Variants in BMAL2 observed in about 807,000 individuals in gnomAD.
BMAL2 encodes the protein basic helix-loop-helix ARNT like 2, also known as basic helix-loop-helix ARNT-like protein 2.
the BMAL2 span, among the ~76,000 whole-genome samples, chr12:27,391,642 T>C: frequency 6.6e-6 from 1 of 152,248 alleles, no homozygotes; most frequent in Admixed American, 6.5e-5. Context: ...CTGAACTAAT[T>C]TACATTCCCA....
the BMAL2 span, among the ~76,000 whole-genome samples, chr12:27,392,497 A>T: frequency 7.1e-6 from 1 of 140,414 alleles, no homozygotes; most frequent in Non-Finnish European, 1.6e-5. Context: ...ATGATGTGAA[A>T]ATAGTCTCCA....
chr12:27,336,809 C>T, the BMAL2 span, among the ~76,000 whole-genome samples: 4 of 151,734 alleles, frequency 2.6e-5, no homozygotes, highest in South Asian at 2.1e-4. Context: ...AAAATTAGTC[C>T]GGCGTTGGTG....
chr12:27,366,370 T>C, the BMAL2 span, among the ~76,000 whole-genome samples: 1 of 152,208 alleles, frequency 6.6e-6, no homozygotes, highest in African/African-American at 2.4e-5. Context: ...TTATTTTTAC[T>C]ACTTGATCTA....
the BMAL2 span, among the ~76,000 whole-genome samples, chr12:27,337,854 C>T: frequency 2.0e-5 from 3 of 152,174 alleles, no homozygotes; most frequent in African/African-American, 7.2e-5. Context: ...TGAACTCTGA[C>T]CTTCAACAAA....
At chr12:27,384,989 G>T in the BMAL2 span, among the ~76,000 whole-genome samples, 2 of 152,232 alleles carry the variant, frequency 1.3e-5, no homozygotes, top group Admixed American at 1.3e-4. Context: ...CAATCTAAAA[G>T]AAAGAAATTT....
the BMAL2 span, chr12:27,401,753 C>A: frequency 2.4e-4 from 250 of 1,057,498 alleles, 3 homozygotes; most frequent in Non-Finnish European, 6.2e-5. Flanking sequence ...TCTTGCTAAA[C>A]CATTAAAACT....
chr12:27,340,462 A>G, the BMAL2 span, among the ~76,000 whole-genome samples: 28 of 152,098 alleles, frequency 1.8e-4, no homozygotes, highest in African/African-American at 6.5e-4. Flanking sequence ...CCAATAGTCT[A>G]TATGTCTGTT....
chr12:27,379,964 A>G, the BMAL2 span, among the ~76,000 whole-genome samples: 1 of 152,290 alleles, frequency 6.6e-6, no homozygotes, highest in Admixed American at 6.5e-5. Context: ...CTAATATTGG[A>G]AACAGGTGGA....
the BMAL2 span, among the ~76,000 whole-genome samples, chr12:27,378,398 T>A: frequency 6.6e-6 from 1 of 152,216 alleles, no homozygotes; most frequent in African/African-American, 2.4e-5. Context: ...CCCAGAAGAA[T>A]AACTGAGTTG....
the BMAL2 span, among the ~76,000 whole-genome samples, chr12:27,385,092 T>C: frequency 6.6e-6 from 1 of 152,152 alleles, no homozygotes; most frequent in African/African-American, 2.4e-5. Flanking sequence ...GGTGAGTGGA[T>C]TGCTTGAGGC....
At chr12:27,375,818 A>G in the BMAL2 span, among the ~76,000 whole-genome samples, 1 of 152,222 alleles carries the variant, frequency 6.6e-6, no homozygotes, top group African/African-American at 2.4e-5. Flanking sequence ...GATGCTAGGA[A>G]CTATACTAAT....
At chr12:27,401,488 T>A in the BMAL2 span, 10 of 1,550,684 alleles carry the variant, frequency 6.4e-6, no homozygotes, top group Non-Finnish European at 8.8e-6. Flanking sequence ...TTATAGTCAT[T>A]GACTATTATG....
At chr12:27,362,642 A>T in the BMAL2 span, among the ~76,000 whole-genome samples, 1 of 151,972 alleles carries the variant, frequency 6.6e-6, no homozygotes, top group African/African-American at 2.4e-5. Flanking sequence ...GTATAGGGAG[A>T]TATCTCTATA....
the BMAL2 span, among the ~76,000 whole-genome samples, chr12:27,344,964 C>T: frequency 6.6e-6 from 1 of 152,152 alleles, no homozygotes; most frequent in Admixed American, 6.5e-5. Context: ...TGTGGTCCCA[C>T]CTACAGTAGT....
the BMAL2 span, chr12:27,400,849 C>T: frequency 9.1e-6 from 12 of 1,311,984 alleles, no homozygotes; most frequent in African/African-American, 5.9e-5. Context: ...CTTAGTAGCA[C>T]TGCTAGTTTT....
the BMAL2 span, chr12:27,402,625 T>G: frequency 6.2e-7 from 1 of 1,612,274 alleles, no homozygotes; most frequent in Non-Finnish European, 8.5e-7. Context: ...CTAGGGGACA[T>G]AGTGAGCCTG....
chr12:27,403,198 G>A, the BMAL2 span, among the ~76,000 whole-genome samples: 6 of 152,204 alleles, frequency 3.9e-5, 1 homozygote, highest in Non-Finnish European at 8.8e-5. Context: ...TTGCTGTGGA[G>A]ATTAAAGTGG....
At chr12:27,399,302 T>G in the BMAL2 span, among the ~76,000 whole-genome samples, 1 of 152,226 alleles carries the variant, frequency 6.6e-6, no homozygotes, top group Admixed American at 6.5e-5. Context: ...CCTCCCCTTC[T>G]GTCACCCAGG....
the BMAL2 span, among the ~76,000 whole-genome samples, chr12:27,364,517 C>G: frequency 1.3e-5 from 2 of 152,136 alleles, no homozygotes; most frequent in Non-Finnish European, 2.9e-5. Flanking sequence ...TTGTTCTCTT[C>G]CATTCATCTG....
Sources: allele counts gnomAD v4.1 joint callset (sites outside exome capture counted in the v4.1 genomes callset), GRCh38; gene constraint gnomAD v4.1.1; transcripts MANE v1.5; gene names NCBI Gene and HGNC (gene_info 2026-07-23, HGNC 2026-07-21).